HLA-G: variants seen among roughly 807,000 people sequenced by gnomAD.
The protein encoded by HLA-G is HLA class I histocompatibility antigen, alpha chain G.
HLA-G carries 34 observed loss-of-function variants against 39.3 expected under a neutral mutation model. The observed-to-expected ratio is 0.86, with a 90% CI of 0.66 to 1.15. The LOEUF (loss-of-function observed/expected upper bound fraction) is 1.15, where lower values mean the gene tolerates loss of function less well. Among genes scored for constraint, HLA-G ranks in the 50% most tolerant of loss-of-function variants. The pLI, the probability that HLA-G is intolerant of heterozygous loss-of-function variation, is 0.00. For missense variants in HLA-G, 419 were observed against 456.4 expected (o/e 0.92, Z 0.75); for synonymous variants, 183 against 185.8 (o/e 0.99, Z 0.12).
At chr6:29,826,669 A>T (rs1760713212), upstream of HLA-G, among the ~76,000 whole-genome samples, 1 of 152,010 alleles carries the variant, frequency 6.6e-6, no homozygotes, top group Admixed American at 6.5e-5. Flanking sequence ...AAGCAGCAGA[A>T]CTCTTAGGTT....
rs545946708 is a variant in HLA-G, at chr6:29,827,887, G to A, written c.43G>A (p.Gly15Arg). 27 of 1,613,184 alleles carry A rather than the reference G, an allele frequency of 1.7e-5. 2 individuals are homozygous for A. The South Asian group carries it at 2.6e-4, about 16-fold the overall frequency. Residue 15 changes from glycine (G) to arginine (R), a missense_variant, in exon 1 of 7, where the codon GGG (glycine) becomes AGG (arginine). Transcript: ENST00000360323. The part of the protein sequence containing the change: ...APRTLFLLLS[G>R]ALTLTETWAG... Reference sequence around the variant, plus strand: ...CCGAACCCTCTTCCTGCTGCTCTCGGGGGCCCTGACCCTGACCGAGACCTG... The same window carrying A: ...CCGAACCCTCTTCCTGCTGCTCTCGAGGGCCCTGACCCTGACCGAGACCTG...
At chr6:29,827,494 G>T, upstream of HLA-G, 1 of 370,938 alleles carries the variant, frequency 2.7e-6, no homozygotes, top group Non-Finnish European at 5.2e-6. Context: ...CTTGCCGAGG[G>T]TTTCTCCCTG....
At chr6:29,830,343 T>G (rs1761167866) in intron 5 of HLA-G, 35 bp from the exon 6 acceptor site, 1 of 1,613,082 alleles carries the variant, frequency 6.2e-7, no homozygotes, top group East Asian at 2.2e-5. Flanking sequence ...CCCTGCCACC[T>G]TTCTGGCCTC....
chr6:29,829,317 C>T lies in HLA-G; in HGVS notation c.620-101C>T, dbSNP rs1761033831. 7.6e-6 allele frequency: 10 copies of T among 1,322,326 alleles called. No individual in the cohort carries two copies. The South Asian group carries it at 1.4e-4, about 18-fold the overall frequency. 81.9% of individuals were successfully genotyped at this position (1,322,326 alleles called of 1,614,324 possible). Reference sequence around the variant, plus strand: ...CTGGGTTCTGTGCTCCCTTCCCCACCCCAGGTATCTGGTTCATTCTTAGGA... The same window carrying T: ...CTGGGTTCTGTGCTCCCTTCCCCACTCCAGGTATCTGGTTCATTCTTAGGA... On this transcript the variant is annotated intron_variant, in intron 3 of 6. Transcript: ENST00000360323.
chr6:29,829,147 ATG>A (rs544942698), intron 3 of HLA-G, among the ~76,000 whole-genome samples: 4 of 152,050 alleles, frequency 2.6e-5, no homozygotes, highest in South Asian at 2.1e-4. Context: ...CTCACACTCA[ATG>A]TGTGTGGGGG....
chr6:29,828,832 T>TG lies in HLA-G; in HGVS notation c.619+18dup. The TG allele has an allele frequency of 6.2e-7, 1 of 1,608,112 alleles. No individual in the cohort carries two copies. Among genetic ancestry groups the TG allele is most frequent in the Non-Finnish European group, 8.5e-7 (1 of 1,175,622 alleles). ...TGCAGCGCGCGGGTACCAGGGGCAGTGGGGCGCCTCCCTGATCTCCTGTAG... is the reference window on the plus strand; with the variant it reads ...TGCAGCGCGCGGGTACCAGGGGCAGTGGGGGCGCCTCCCTGATCTCCTGTAG... On this transcript the variant is annotated intron_variant, in intron 3 of 6. Coordinates refer to ENST00000360323, the MANE Select transcript of HLA-G (RefSeq NM_001384290.1).
intron 4 of HLA-G, 36 bp downstream of exon 4, chr6:29,829,729 G>A: frequency 6.2e-7 from 1 of 1,608,534 alleles, no homozygotes; most frequent in African/African-American, 1.3e-5. Flanking sequence ...GTCTGTTAGG[G>A]AAAGCAGGAG....
At position 29,828,534 on chromosome 6, in the gene HLA-G, T is replaced by C. The variant is rs1246735144; in HGVS notation, c.344-9T>C. ...CGGTGGGCGGGGCTGACCGAGGGGG[T>C]GGGGCCAGGTTCTCACACCCTCCAG... On this transcript the variant is annotated splice_polypyrimidine_tract_variant and intron_variant, in intron 2 of 6. Transcript: ENST00000360323. 2 of 1,608,992 alleles carry C rather than the reference T, an allele frequency of 1.2e-6. No homozygotes were observed. Among genetic ancestry groups the C allele is most frequent in the Non-Finnish European group, 1.7e-6 (2 of 1,177,736 alleles).
chr6:29,830,356 A>G (rs763796040), intron 5 of HLA-G, 22 bp from the exon 6 acceptor site: 78 of 1,613,460 alleles, frequency 4.8e-5, no homozygotes, highest in Non-Finnish European at 6.4e-5. Flanking sequence ...CTGGCCTCTC[A>G]CAGGACATTT....
At chr6:29,826,602 G>A (rs994883956), upstream of HLA-G, among the ~76,000 whole-genome samples, 2 of 152,180 alleles carry the variant, frequency 1.3e-5, no homozygotes, top group African/African-American at 2.4e-5. Flanking sequence ...TGAGAGGGAC[G>A]GAGGGAAGGG....
intron 4 of HLA-G, 47 bp downstream of exon 4, chr6:29,829,740 C>A (rs1199328735): frequency 1.2e-6 from 2 of 1,605,528 alleles, no homozygotes; most frequent in South Asian, 2.2e-5. Flanking sequence ...AAAGCAGGAG[C>A]CTCTCTGAAG....
chr6:29,827,729 C>A, upstream of HLA-G: 3 of 1,056,442 alleles, frequency 2.8e-6, no homozygotes, highest in Non-Finnish European at 4.4e-6. Context: ...CCGGGCGGCC[C>A]CAGTTCTCAC....
At chr6:29,827,956 A>T in intron 1 of HLA-G, 39 bp downstream of exon 1, 1 of 1,592,546 alleles carries the variant, frequency 6.3e-7, no homozygotes, top group Non-Finnish European at 8.5e-7. Flanking sequence ...CCCTGCGCGG[A>T]GGAGGGAGGG....
At chr6:29,828,361 A>G in intron 2 of HLA-G, 45 bp downstream of exon 2, 1 of 1,581,744 alleles carries the variant, frequency 6.3e-7, no homozygotes, top group Non-Finnish European at 8.6e-7. Context: ...CCCCACCTCC[A>G]TGCCCCACGG....
Position 29,829,800 on chromosome 6 carries a change from T to C in HLA-G, c.896-16T>C. 2.5e-6 allele frequency: 4 copies of C among 1,609,220 alleles called. No homozygotes were observed. Among genetic ancestry groups the C allele is most frequent in the Non-Finnish European group, 3.4e-6 (4 of 1,176,508 alleles). ...GGCTGGGGGTCAGAGACCCTCACCT[T>C]CACCTCCTTTCCCAGAGCAGTCTTC... On this transcript the variant is annotated splice_polypyrimidine_tract_variant and intron_variant, in intron 4 of 6. Coordinates refer to ENST00000360323, the MANE Select transcript of HLA-G (RefSeq NM_001384290.1).
At chr6:29,829,766 G>C in intron 4 of HLA-G, 50 bp from the exon 5 acceptor site, 3 of 1,601,758 alleles carry the variant, frequency 1.9e-6, no homozygotes, top group Non-Finnish European at 2.6e-6. Flanking sequence ...TAACAGGGTC[G>C]GTGGTGAGGG....
chr6:29,828,492 C>A lies in HLA-G; in HGVS notation c.344-51C>A. 3 of 1,589,474 alleles carry A rather than the reference C, an allele frequency of 1.9e-6. 1 individual carries two copies. Among genetic ancestry groups the A allele is most frequent in the Middle Eastern group, 1.7e-4 (1 of 5,906 alleles). On this transcript the variant is annotated intron_variant, in intron 2 of 6. Coordinates refer to ENST00000360323, the MANE Select transcript of HLA-G (RefSeq NM_001384290.1). ...TTACCAAAATCCCCGCGGGTGGGTC[C>A]GGGCGAGGGCGAGGCTCGGTGGGCG...
At chr6:29,827,066 C>T (rs547123392), upstream of HLA-G, 62 of 515,054 alleles carry the variant, frequency 1.2e-4, no homozygotes, top group Admixed American at 5.3e-4. Flanking sequence ...ATAAAACAAG[C>T]GGGAGTCACA....
Position 29,828,716 on chromosome 6 carries a change from G to A in HLA-G, c.517G>A (p.Ala173Thr). 6.2e-7 allele frequency: 1 copy of A among 1,613,862 alleles called. No individual in the cohort carries two copies. Among genetic ancestry groups the A allele is most frequent in the South Asian group, 1.1e-5 (1 of 91,090 alleles). ...AAQISKRKCEAANVAEQRRAY... is the reference protein window; with the variant it reads ...AAQISKRKCETANVAEQRRAY... ...TCAGATCTCCAAGCGCAAGTGTGAG[G>A]CGGCCAATGTGGCTGAACAAAGGAG... The change falls in exon 3 of 7, where the codon GCG becomes ACG. Residue 173 changes from alanine (A) to threonine (T), a missense_variant. By Grantham distance (58) the Ala-to-Thr change is moderately conservative. This residue lies in a region of HLA-G where 328 missense variants were observed against 323.0 expected (regional missense o/e 1.02). Transcript: ENST00000360323.
Sources: gnomAD v4.1 joint callset for allele counts (sites outside exome capture counted in the v4.1 genomes callset) on GRCh38, gnomAD v4.1.1 for gene constraint, gnomAD v4.1.1 regional missense constraint, MANE v1.5 for transcripts, NCBI Gene and HGNC (gene_info 2026-07-23, HGNC 2026-07-21) for gene names.